Variants in LOC128462377 observed in about 807,000 individuals in gnomAD.
the LOC128462377 span, chr16:89,323,332 A>C: frequency 7.8e-7 from 1 of 1,288,614 alleles, no homozygotes; most frequent in Admixed American, 2.3e-5. Context: ...TGGCAATCCC[A>C]GGTATGGAAG....
chr16:89,399,733 G>A, the LOC128462377 span, among the ~76,000 whole-genome samples: 1 of 152,212 alleles, frequency 6.6e-6, no homozygotes, highest in African/African-American at 2.4e-5. Flanking sequence ...GCTGAGCCCA[G>A]GGGTGCGGGG....
the LOC128462377 span, among the ~76,000 whole-genome samples, chr16:89,328,545 A>T: frequency 6.6e-6 from 1 of 150,818 alleles, no homozygotes; most frequent in Non-Finnish European, 1.5e-5. Flanking sequence ...CGTATGGGTG[A>T]ATCTGCAGAG....
At chr16:89,408,722 GACTC>G in the LOC128462377 span, among the ~76,000 whole-genome samples, 4 of 152,084 alleles carry the variant, frequency 2.6e-5, no homozygotes, top group African/African-American at 2.4e-5. Flanking sequence ...GAGTCCCCGG[GACTC>G]ACTCACTCAC....
At chr16:89,357,705 T>A in the LOC128462377 span, among the ~76,000 whole-genome samples, 13 of 152,122 alleles carry the variant, frequency 8.5e-5, no homozygotes, top group Non-Finnish European at 1.9e-4. Context: ...TCACAGCCAA[T>A]GCTGCGGACT....
the LOC128462377 span, among the ~76,000 whole-genome samples, chr16:89,351,706 C>G: frequency 6.6e-6 from 1 of 152,132 alleles, no homozygotes; most frequent in African/African-American, 2.4e-5. Context: ...CACAAAATGA[C>G]CAGAACAGCA....
the LOC128462377 span, among the ~76,000 whole-genome samples, chr16:89,386,699 G>A: frequency 7.2e-5 from 11 of 152,168 alleles, no homozygotes; most frequent in African/African-American, 2.4e-4. Context: ...AAGCAGACAC[G>A]CTTATAAGCT....
chr16:89,375,002 A>G, the LOC128462377 span, among the ~76,000 whole-genome samples: 1 of 152,106 alleles, frequency 6.6e-6, no homozygotes, highest in Non-Finnish European at 1.5e-5. Flanking sequence ...CCTACCATAA[A>G]CTATACACAG....
chr16:89,386,946 G>C, the LOC128462377 span, among the ~76,000 whole-genome samples: 1 of 152,052 alleles, frequency 6.6e-6, no homozygotes, highest in East Asian at 1.9e-4. Context: ...AGGGCATGAA[G>C]GGCTTGGCAG....
the LOC128462377 span, among the ~76,000 whole-genome samples, chr16:89,377,558 T>A: frequency 6.6e-6 from 1 of 152,026 alleles, no homozygotes; most frequent in Non-Finnish European, 1.5e-5. Context: ...CCAGAGAAAT[T>A]AGAAGACAAC....
chr16:89,342,435 G>A, the LOC128462377 span, among the ~76,000 whole-genome samples: 1 of 152,350 alleles, frequency 6.6e-6, no homozygotes, highest in Middle Eastern at 3.4e-3. Flanking sequence ...CAATACTCTG[G>A]ACCAGGTTTG....
At chr16:89,384,554 T>C in the LOC128462377 span, among the ~76,000 whole-genome samples, 1 of 144,722 alleles carries the variant, frequency 6.9e-6, no homozygotes, top group Non-Finnish European at 1.5e-5. Context: ...TGGGATGGGA[T>C]GGGAATGGGA....
the LOC128462377 span, among the ~76,000 whole-genome samples, chr16:89,368,219 A>C: frequency 1.3e-5 from 2 of 151,268 alleles, no homozygotes; most frequent in Non-Finnish European, 2.9e-5. Flanking sequence ...TTTTTGATAC[A>C]GATTCTTGCT....
the LOC128462377 span, among the ~76,000 whole-genome samples, chr16:89,354,243 C>CAAAA: frequency 5.9e-4 from 75 of 126,236 alleles, no homozygotes; most frequent in Non-Finnish European, 1.1e-3. Context: ...TGCATTCAGC[C>CAAAA]AAAAAAAAAA....
At chr16:89,412,782 A>C in the LOC128462377 span, among the ~76,000 whole-genome samples, 3 of 152,192 alleles carry the variant, frequency 2.0e-5, no homozygotes, top group Non-Finnish European at 4.4e-5. Context: ...CATGAGAATC[A>C]CTGTAGTTAA....
the LOC128462377 span, among the ~76,000 whole-genome samples, chr16:89,336,912 G>A: frequency 2.0e-5 from 3 of 147,800 alleles, no homozygotes; most frequent in East Asian, 6.2e-4. Flanking sequence ...GCTCATGCCT[G>A]TAATCCTAGC....
the LOC128462377 span, among the ~76,000 whole-genome samples, chr16:89,366,184 G>A: frequency 6.7e-6 from 1 of 149,362 alleles, no homozygotes; most frequent in African/African-American, 2.5e-5. Flanking sequence ...TGGCTGCACA[G>A]TATTCCACGG....
At chr16:89,375,150 C>T in the LOC128462377 span, among the ~76,000 whole-genome samples, 1 of 152,070 alleles carries the variant, frequency 6.6e-6, no homozygotes, top group African/African-American at 2.4e-5. Context: ...CCACACTGCA[C>T]GCTGTAATGA....
the LOC128462377 span, chr16:89,418,241 A>G: frequency 8.9e-6 from 4 of 450,126 alleles, no homozygotes; most frequent in East Asian, 7.0e-5. Flanking sequence ...TTACAAATCA[A>G]TGACAAAAAC....
the LOC128462377 span, among the ~76,000 whole-genome samples, chr16:89,360,993 G>C: frequency 1.3e-5 from 2 of 152,104 alleles, no homozygotes; most frequent in Non-Finnish European, 2.9e-5. Flanking sequence ...CATCCAGATG[G>C]ATCCGATCCA....
Sources: gnomAD v4.1 joint callset for allele counts (sites outside exome capture counted in the v4.1 genomes callset) on GRCh38, gnomAD v4.1.1 for gene constraint, MANE v1.5 for transcripts.